BMP6: variants seen among roughly 807,000 people sequenced by gnomAD.
The protein encoded by BMP6 is VG-1-R.
BMP6 carries 17 observed loss-of-function variants against 54.1 expected under a neutral mutation model. That is an observed-to-expected ratio of 0.31 (90% CI 0.22 to 0.47). The LOEUF is 0.47. Ranked by LOEUF, BMP6 falls within the 20% of genes least tolerant of loss-of-function variation. The probability of loss-of-function intolerance (pLI) is 1.00; values close to 1 mark genes in which losing one functional copy is unlikely to be tolerated. For missense variants in BMP6, 720 were observed against 690.4 expected, an observed-to-expected ratio of 1.04 and a Z score of -0.48; for synonymous variants, 328 against 291.2, an observed-to-expected ratio of 1.13 and a Z score of -1.28.
chr6:7,806,674 A>G (rs1039943331), intron 1 of BMP6, among the ~76,000 whole-genome samples: 2 of 151,700 alleles, frequency 1.3e-5, no homozygotes, highest in Admixed American at 6.6e-5. Flanking sequence ...TTTTTTTAGT[A>G]TGGACTATTC....
chr6:7,848,035 T>C (rs1391671869), intron 2 of BMP6, among the ~76,000 whole-genome samples: 15 of 152,136 alleles, frequency 9.9e-5, no homozygotes, highest in Admixed American at 9.8e-4. Context: ...GCAAGGGAAA[T>C]CTGACTTAAC....
chr6:7,845,963 G>A (rs1050156446), intron 2 of BMP6, among the ~76,000 whole-genome samples: 3 of 152,210 alleles, frequency 2.0e-5, no homozygotes, highest in Non-Finnish European at 2.9e-5. Context: ...ATTGCTGGAG[G>A]ACTGGAAGGG....
intron 1 of BMP6, among the ~76,000 whole-genome samples, chr6:7,800,782 C>T (rs1469543287): frequency 6.6e-6 from 1 of 151,758 alleles, no homozygotes; most frequent in Non-Finnish European, 1.5e-5. Context: ...TAAATTGATT[C>T]ATTAAAACTT....
intron 1 of BMP6, among the ~76,000 whole-genome samples, chr6:7,774,780 G>A (rs1757839660): frequency 6.6e-6 from 1 of 152,216 alleles, no homozygotes; most frequent in Non-Finnish European, 1.5e-5. Context: ...CATGGATATT[G>A]CCTTAGTTCT....
In BMP6 at chr6:7,781,934, G is replaced by A. The variant is rs963465235; in HGVS notation, c.664+54315G>A. Among the ~76,000 whole-genome samples, 20 of 151,430 alleles carry A rather than the reference G, an allele frequency of 1.3e-4. 2 individuals carry two copies. Among genetic ancestry groups the A allele is most frequent in the Non-Finnish European group, 2.7e-4 (18 of 67,654 alleles). ...CAAGAGCTGTGAGTAGTCATGAAAC[G>A]GTTTTAAGCAACTGTGGTGAGGATG... On this transcript the variant is annotated intron_variant, in intron 1 of 6. Transcript: ENST00000283147.
At chr6:7,839,107 A>G (rs1758924429) in intron 1 of BMP6, among the ~76,000 whole-genome samples, 2 of 152,180 alleles carry the variant, frequency 1.3e-5, no homozygotes, top group Admixed American at 1.3e-4. Flanking sequence ...TCCTGATTTC[A>G]ACACACAAAA....
intron 1 of BMP6, among the ~76,000 whole-genome samples, chr6:7,728,285 C>T (rs1483358691): frequency 6.6e-6 from 1 of 152,204 alleles, no homozygotes; most frequent in East Asian, 1.9e-4. Context: ...CATCCTGTGC[C>T]CCGGCTCACA....
intron 1 of BMP6, among the ~76,000 whole-genome samples, chr6:7,766,765 C>T (rs890963747): frequency 2.6e-5 from 4 of 152,118 alleles, no homozygotes; most frequent in Admixed American, 2.0e-4. Flanking sequence ...GAAGGCCTAT[C>T]TTCTATGTCT....
intron 1 of BMP6, among the ~76,000 whole-genome samples, chr6:7,771,564 C>T (rs1182463130): frequency 1.3e-5 from 2 of 152,156 alleles, no homozygotes; most frequent in East Asian, 1.9e-4. Flanking sequence ...CCAGTAAGTG[C>T]GTGGTGGAGC....
intron 1 of BMP6, among the ~76,000 whole-genome samples, chr6:7,752,675 C>CT (rs1307752243): frequency 6.6e-6 from 1 of 150,646 alleles, no homozygotes; most frequent in African/African-American, 2.4e-5. Flanking sequence ...CATCATTGAG[C>CT]TTTCTGGGAT....
intron 4 of BMP6, among the ~76,000 whole-genome samples, chr6:7,864,928 A>G (rs964746408): frequency 2.0e-5 from 3 of 151,940 alleles, no homozygotes; most frequent in Non-Finnish European, 2.9e-5. Context: ...GTAGGCTTCA[A>G]TTTATTAATG....
chr6:7,804,026 G>A (rs142129062), intron 1 of BMP6, among the ~76,000 whole-genome samples: 1 of 152,322 alleles, frequency 6.6e-6, no homozygotes, highest in African/African-American at 2.4e-5. Context: ...GACATGCAAA[G>A]TTGGTGCCCT....
At chr6:7,809,044 A>AT (rs1254924226) in intron 1 of BMP6, among the ~76,000 whole-genome samples, 1 of 151,624 alleles carries the variant, frequency 6.6e-6, no homozygotes, top group Non-Finnish European at 1.5e-5. Context: ...TTTAGGGCTA[A>AT]TTTTTAAAAA....
At chr6:7,800,512 C>A (rs1758253863) in intron 1 of BMP6, among the ~76,000 whole-genome samples, 1 of 152,158 alleles carries the variant, frequency 6.6e-6, no homozygotes, top group Non-Finnish European at 1.5e-5. Flanking sequence ...TTCTGTCCCT[C>A]CCCTGCCCAT....
At chr6:7,771,951 G>C (rs1167353631) in intron 1 of BMP6, among the ~76,000 whole-genome samples, 1 of 151,866 alleles carries the variant, frequency 6.6e-6, no homozygotes, top group Non-Finnish European at 1.5e-5. Flanking sequence ...TACTTGGGAG[G>C]CTGAGGCAGA....
chr6:7,754,612 G>A (rs35100524), intron 1 of BMP6, among the ~76,000 whole-genome samples: 18,064 of 152,222 alleles, frequency 0.12, 1,395 homozygotes, highest in East Asian at 0.3. Flanking sequence ...CTTTGTCCTT[G>A]ATAATAGTCT....
At chr6:7,798,973 C>G (rs186275229) in intron 1 of BMP6, among the ~76,000 whole-genome samples, 101 of 152,320 alleles carry the variant, frequency 6.6e-4, no homozygotes, top group Non-Finnish European at 1.2e-3. Flanking sequence ...CTCATTACAT[C>G]ATTTTTAATT....
chr6:7,837,229 G>T (rs1410275135), intron 1 of BMP6, among the ~76,000 whole-genome samples: 1 of 152,098 alleles, frequency 6.6e-6, no homozygotes. Flanking sequence ...TGTGTTTGTA[G>T]TTTGAGATAG....
intron 1 of BMP6, among the ~76,000 whole-genome samples, chr6:7,762,362 G>T (rs989927586): frequency 6.6e-6 from 1 of 152,190 alleles, no homozygotes; most frequent in Non-Finnish European, 1.5e-5. Flanking sequence ...ACACTTGAAG[G>T]TCTGCTTTAA....
Sources: gnomAD v4.1 joint callset for allele counts (sites outside exome capture counted in the v4.1 genomes callset) on GRCh38, gnomAD v4.1.1 for gene constraint, MANE v1.5 for transcripts, NCBI Gene and HGNC (gene_info 2026-07-23, HGNC 2026-07-21) for gene names.